PDE7B: variants seen among roughly 807,000 people sequenced by gnomAD.
PDE7B encodes 3',5'-cyclic-AMP phosphodiesterase 7B.
Under a neutral mutation model 56.2 loss-of-function variants are expected in PDE7B, and 29 were observed. That is an observed-to-expected ratio of 0.52 (90% CI 0.38 to 0.70). The LOEUF (loss-of-function observed/expected upper bound fraction) is 0.70. Ranked by LOEUF, PDE7B falls within the 30% of genes least tolerant of loss-of-function variation. The probability of loss-of-function intolerance (pLI) is 0.00; values close to 1 mark genes in which losing one functional copy is unlikely to be tolerated. For synonymous variants in PDE7B, 197 were observed against 196.9 expected (o/e 1.00, Z 0.00); for missense variants, 490 against 565.0 (o/e 0.87, Z 1.35).
chr6:135,859,208 G>A (rs548656537), intron 1 of PDE7B, among the ~76,000 whole-genome samples: 67 of 152,206 alleles, frequency 4.4e-4, no homozygotes, highest in African/African-American at 1.5e-3. Flanking sequence ...TCTAAAGAAT[G>A]CCTTGATTTA....
chr6:135,884,521 A>G (rs1376538716), intron 1 of PDE7B, among the ~76,000 whole-genome samples: 2 of 152,076 alleles, frequency 1.3e-5, no homozygotes, highest in Admixed American at 1.3e-4. Flanking sequence ...TGTCCTTGAA[A>G]TCTCTATCCT....
intron 2 of PDE7B, among the ~76,000 whole-genome samples, chr6:136,020,384 T>C (rs559167739): frequency 6.6e-6 from 1 of 152,368 alleles, no homozygotes; most frequent in East Asian, 1.9e-4. Context: ...TTTTTATATA[T>C]GTGTGTATCT....
At chr6:136,159,229 G>C (rs746108227) in intron 8 of PDE7B, among the ~76,000 whole-genome samples, 5 of 152,142 alleles carry the variant, frequency 3.3e-5, no homozygotes, top group Non-Finnish European at 5.9e-5. Context: ...TTCCTTCCAC[G>C]TGGTCCTATG....
chr6:135,940,022 C>CTCCAG (rs1774483002), intron 1 of PDE7B, among the ~76,000 whole-genome samples: 1 of 152,154 alleles, frequency 6.6e-6, no homozygotes, highest in African/African-American at 2.4e-5. Context: ...AACCAAGCCT[C>CTCCAG]TCCAGTCCAG....
At chr6:135,961,874 AGG>A (rs1774909337) in intron 2 of PDE7B, among the ~76,000 whole-genome samples, 1 of 152,196 alleles carries the variant, frequency 6.6e-6, no homozygotes, top group Admixed American at 6.5e-5. Flanking sequence ...GCTGAATAGG[AGG>A]AACACAGAAG....
intron 1 of PDE7B, among the ~76,000 whole-genome samples, chr6:135,922,225 C>T (rs974252987): frequency 6.6e-6 from 1 of 152,182 alleles, no homozygotes; most frequent in Non-Finnish European, 1.5e-5. Context: ...AGAGAAAACA[C>T]AAGCCCAGAG....
At chr6:135,867,056 T>G (rs1303366995) in intron 1 of PDE7B, among the ~76,000 whole-genome samples, 2 of 152,160 alleles carry the variant, frequency 1.3e-5, no homozygotes, top group African/African-American at 2.4e-5. Flanking sequence ...CAGGTGAACT[T>G]GAAGTTACAG....
At chr6:135,878,265 A>G (rs1775538147) in intron 1 of PDE7B, among the ~76,000 whole-genome samples, 1 of 152,108 alleles carries the variant, frequency 6.6e-6, no homozygotes, top group African/African-American at 2.4e-5. Context: ...TTTATTACAT[A>G]TTTTATCAGT....
At chr6:136,040,115 A>G (rs1360935812) in intron 2 of PDE7B, among the ~76,000 whole-genome samples, 1 of 152,234 alleles carries the variant, frequency 6.6e-6, no homozygotes, top group African/African-American at 2.4e-5. Context: ...ATGATGAAGC[A>G]GAGCTTGTTG....
At chr6:136,110,876 C>G (rs1209654139) in intron 3 of PDE7B, 1 of 152,144 alleles carries the variant, frequency 6.6e-6, no homozygotes, top group Non-Finnish European at 1.5e-5. Context: ...GCTATCCTGT[C>G]TTCCCTTTGC....
intron 2 of PDE7B, among the ~76,000 whole-genome samples, chr6:135,999,318 TA>T (rs1230279036): frequency 6.6e-6 from 1 of 152,212 alleles, no homozygotes; most frequent in African/African-American, 2.4e-5. Flanking sequence ...GTAACACAGA[TA>T]AACTTGTGTC....
chr6:135,931,611 AC>A (rs1938007616), intron 1 of PDE7B, among the ~76,000 whole-genome samples: 1 of 152,208 alleles, frequency 6.6e-6, no homozygotes, highest in Non-Finnish European at 1.5e-5. Context: ...AGAAATAAAA[AC>A]AATGGAATAT....
Position 135,906,129 on chromosome 6 carries a change from G to C in PDE7B, c.22-41335G>C, listed in dbSNP as rs114664375. On this transcript the variant is annotated intron_variant, in intron 1 of 12. Coordinates refer to ENST00000308191, the MANE Select transcript of PDE7B (RefSeq NM_018945.4). ...ACAATGACATGAGTTAGGGAACTCC[G>C]CAGAGCAGGCCTATGGTGGAGACTC... Among the ~76,000 whole-genome samples, 655 of 152,274 alleles carry C rather than the reference G, an allele frequency of 4.3e-3. 5 individuals carry two copies. Among genetic ancestry groups the C allele is most frequent in the African/African-American group, 0.015 (634 of 41,552 alleles).
intron 2 of PDE7B, among the ~76,000 whole-genome samples, chr6:136,099,034 T>C (rs1411994994): frequency 6.6e-6 from 1 of 152,016 alleles, no homozygotes; most frequent in Non-Finnish European, 1.5e-5. Flanking sequence ...TGTATGGTTT[T>C]CTGTCCTTGT....
chr6:136,121,400 G>A (rs905801969), intron 3 of PDE7B, among the ~76,000 whole-genome samples: 1 of 152,012 alleles, frequency 6.6e-6, no homozygotes, highest in South Asian at 2.1e-4. Context: ...TTCATTTCAT[G>A]TTCTACCACA....
chr6:135,999,630 A>G (rs906566139), intron 2 of PDE7B, among the ~76,000 whole-genome samples: 5 of 152,066 alleles, frequency 3.3e-5, no homozygotes, highest in South Asian at 4.2e-4. Flanking sequence ...TCCATTATGT[A>G]TATATACAAC....
intron 2 of PDE7B, among the ~76,000 whole-genome samples, chr6:136,003,278 C>T (rs1775707738): frequency 6.6e-6 from 1 of 151,198 alleles, no homozygotes; most frequent in South Asian, 2.1e-4. Context: ...ACCCTAACAT[C>T]ACAATTAAAA....
intron 2 of PDE7B, among the ~76,000 whole-genome samples, chr6:136,104,364 G>A (rs1474998081): frequency 6.6e-6 from 1 of 152,112 alleles, no homozygotes; most frequent in Non-Finnish European, 1.5e-5. Context: ...TCAATGAATA[G>A]TCAAAATAAT....
intron 2 of PDE7B, among the ~76,000 whole-genome samples, chr6:136,026,653 T>A (rs151299862): frequency 5.9e-5 from 9 of 152,356 alleles, no homozygotes; most frequent in African/African-American, 2.2e-4. Context: ...AGCCTGATAG[T>A]ATCTGCACCC....
Sources: gnomAD v4.1 joint callset for allele counts (sites outside exome capture counted in the v4.1 genomes callset) on GRCh38, gnomAD v4.1.1 for gene constraint, MANE v1.5 for transcripts, NCBI Gene and HGNC (gene_info 2026-07-23, HGNC 2026-07-21) for gene names.